Variants in MTDH observed in about 807,000 individuals in gnomAD.
MTDH encodes the protein metadherin.
MTDH carries 34 observed loss-of-function variants against 72.7 expected under a neutral mutation model. The observed-to-expected ratio is 0.47, with a 90% CI of 0.36 to 0.62. The LOEUF (loss-of-function observed/expected upper bound fraction) is 0.62, where lower values mean the gene tolerates loss of function less well. Among genes scored for constraint, MTDH ranks in the 20% least tolerant of loss-of-function variants. The probability of loss-of-function intolerance (pLI) is 0.00; values close to 1 mark genes in which losing one functional copy is unlikely to be tolerated. For missense variants in MTDH, 677 were observed against 699.4 expected, an observed-to-expected ratio of 0.97 and a Z score of 0.36; for synonymous variants, 266 against 268.9, an observed-to-expected ratio of 0.99 and a Z score of 0.10.
chr8:97,676,032 C>T (rs868558947), intron 2 of MTDH, among the ~76,000 whole-genome samples: 23 of 151,238 alleles, frequency 1.5e-4, no homozygotes, highest in South Asian at 4.2e-4. Context: ...CTCAATCTTA[C>T]GGGCTCAGGT....
chr8:97,698,981 A>G (rs1288633207), intron 6 of MTDH, among the ~76,000 whole-genome samples: 5 of 151,500 alleles, frequency 3.3e-5, no homozygotes. Flanking sequence ...CTCTACGAAA[A>G]ATTTTTTAAA....
At chr8:97,650,775 G>A (rs1811741441) in intron 1 of MTDH, among the ~76,000 whole-genome samples, 2 of 151,722 alleles carry the variant, frequency 1.3e-5, no homozygotes, top group African/African-American at 4.8e-5. Flanking sequence ...TGTCACCCAC[G>A]CTGGAGTGCA....
chr8:97,711,363 G>A (rs566897745), intron 8 of MTDH, among the ~76,000 whole-genome samples: 1 of 148,082 alleles, frequency 6.8e-6, no homozygotes, highest in Non-Finnish European at 1.5e-5. Context: ...AGAAAAATCA[G>A]CCTGTAGTCC....
chr8:97,703,286 A>G (rs1814211908), intron 7 of MTDH, among the ~76,000 whole-genome samples: 2 of 152,132 alleles, frequency 1.3e-5, no homozygotes, highest in South Asian at 4.1e-4. Flanking sequence ...TGAGCCTGAG[A>G]AGTCTAGGCT....
chr8:97,694,629 G>A (rs1813750174), intron 6 of MTDH, among the ~76,000 whole-genome samples: 1 of 152,136 alleles, frequency 6.6e-6, no homozygotes, highest in African/African-American at 2.4e-5. Flanking sequence ...GTTTGAAAGA[G>A]ACATTCCCTT....
Position 97,644,860 on chromosome 8 carries a change from C to T in MTDH, c.354C>T (p.Asn118=). 6.4e-7 allele frequency: 1 copy of T among 1,570,064 alleles called. No individual in the cohort carries two copies. ...NLRSEEQKKK[N]RKKLSEKPKP... ...GGAGCGAGGAACAGAAGAAGAAGAA[C>T]CGGAAGAAACTGTCCGAGAAGCCCA... The change falls in exon 1 of 12, where the codon AAC becomes AAT. Residue 118 remains asparagine (N), a synonymous_variant. Coordinates refer to ENST00000336273, the MANE Select transcript of MTDH (RefSeq NM_178812.4).
intron 4 of MTDH, among the ~76,000 whole-genome samples, chr8:97,687,891 G>T (rs1563546942): frequency 6.6e-6 from 1 of 152,108 alleles, no homozygotes; most frequent in Non-Finnish European, 1.5e-5. Flanking sequence ...GTATCACTTT[G>T]CCCCAACTCC....
chr8:97,663,422 C>T (rs952754050), intron 2 of MTDH, among the ~76,000 whole-genome samples: 1 of 151,956 alleles, frequency 6.6e-6, no homozygotes, highest in Non-Finnish European at 1.5e-5. Flanking sequence ...GTAGGGACAG[C>T]TTATTGAGTA....
At chr8:97,668,114 C>T (rs918421780) in intron 2 of MTDH, among the ~76,000 whole-genome samples, 24 of 151,874 alleles carry the variant, frequency 1.6e-4, no homozygotes, top group African/African-American at 3.9e-4. Context: ...GGTGAAACCC[C>T]GTCTCTACTG....
chr8:97,653,759 T>C lies in MTDH; in HGVS notation c.382-7313T>C, dbSNP rs114635132. Among the ~76,000 whole-genome samples, 810 of 152,340 alleles carry C rather than the reference T, an allele frequency of 5.3e-3. 5 individuals carry two copies. The highest frequency in any genetic ancestry group is 0.017 in the African/African-American group (716 of 41,572). ...AGATATAAGTGAGGAATTGGTGTTA[T>C]TTGATCAGTTTTAAAATGCACTTGT... On this transcript the variant is annotated intron_variant, in intron 1 of 11. Transcript: ENST00000336273.
intron 2 of MTDH, among the ~76,000 whole-genome samples, chr8:97,671,301 A>G (rs989001877): frequency 6.6e-6 from 1 of 152,066 alleles, no homozygotes; most frequent in Non-Finnish European, 1.5e-5. Flanking sequence ...TTGGGTTCGG[A>G]CACAGATCCA....
chr8:97,644,580 T>G lies in MTDH; in HGVS notation c.74T>G (p.Leu25Arg), dbSNP rs1811483003. ...GGCTCGGCCCGGCTGCGGGAAATGCTCTCGGTCGGCCTAGGCTTTCTGCGC... is the reference window on the plus strand; with the variant it reads ...GGCTCGGCCCGGCTGCGGGAAATGCGCTCGGTCGGCCTAGGCTTTCTGCGC... ...EEGSARLREM[L>R]SVGLGFLRTE... The change falls in exon 1 of 12, where the codon CTC becomes CGC. Residue 25 changes from leucine to arginine, a missense_variant. By Grantham distance (102) the Leu-to-Arg change is moderately radical (BLOSUM62 -2). Coordinates refer to ENST00000336273, the MANE Select transcript of MTDH (RefSeq NM_178812.4). 6.2e-7 allele frequency: 1 copy of G among 1,607,848 alleles called. No individual in the cohort carries two copies.
At chr8:97,723,064 G>C (rs1196523800) in intron 11 of MTDH, 29 bp downstream of exon 11, 2 of 1,601,448 alleles carry the variant, frequency 1.2e-6, no homozygotes, top group South Asian at 2.2e-5. Context: ...TTGTTCCTTT[G>C]TACTGTTTAC....
chr8:97,711,130 C>G (rs1490371390), intron 8 of MTDH, among the ~76,000 whole-genome samples: 1 of 152,182 alleles, frequency 6.6e-6, no homozygotes. Flanking sequence ...TTTTCAATGA[C>G]ATGACCTCTC....
chr8:97,666,195 G>A (rs968140575), intron 2 of MTDH, among the ~76,000 whole-genome samples: 14 of 151,642 alleles, frequency 9.2e-5, no homozygotes, highest in African/African-American at 2.7e-4. Context: ...GAGAAACAAC[G>A]GAAACAAAAT....
At chr8:97,661,969 G>T (rs905508450) in intron 2 of MTDH, among the ~76,000 whole-genome samples, 1 of 151,194 alleles carries the variant, frequency 6.6e-6, no homozygotes, top group Admixed American at 6.6e-5. Context: ...TGATTTGGAT[G>T]TGAGATTTTC....
chr8:97,699,313 G>A (rs1382065847), intron 6 of MTDH, among the ~76,000 whole-genome samples: 1 of 151,924 alleles, frequency 6.6e-6, no homozygotes, highest in Non-Finnish European at 1.5e-5. Flanking sequence ...GCCCAGCATG[G>A]TGGTACAAGC....
intron 2 of MTDH, among the ~76,000 whole-genome samples, chr8:97,668,006 C>A (rs2513368): frequency 6.6e-5 from 10 of 152,132 alleles, no homozygotes; most frequent in African/African-American, 2.2e-4. Flanking sequence ...GAAGATCTAC[C>A]GCCAGGCGCG....
rs2131094239 is a variant in MTDH at position 97,724,061 on chromosome 8, A to AT, written c.1679-537dup. 2.0e-5 allele frequency among the ~76,000 whole-genome samples: 3 copies of AT among 152,336 alleles called. No homozygotes were observed. In the South Asian group the frequency reaches 6.2e-4, roughly 32 times the overall value. On this transcript the variant is annotated intron_variant, in intron 11 of 11. Transcript: ENST00000336273. Reference sequence around the variant, plus strand: ...GAGGCGGAGGTTGTAGTGAGCCAAGATTGCGCCATTGCACTCCAGCCTGGG... The same window carrying AT: ...GAGGCGGAGGTTGTAGTGAGCCAAGATTTGCGCCATTGCACTCCAGCCTGGG...
Sources: allele counts gnomAD v4.1 joint callset (sites outside exome capture counted in the v4.1 genomes callset), GRCh38; gene constraint gnomAD v4.1.1; transcripts MANE v1.5; gene names NCBI Gene and HGNC (gene_info 2026-07-23, HGNC 2026-07-21).